The following MPHOSPH8 variants were observed in gnomAD, a reference collection of about 807,000 sequenced individuals.
MPHOSPH8 encodes M-phase phosphoprotein 8.
MPHOSPH8 carries 45 observed loss-of-function variants against 87.3 expected under a neutral mutation model. The observed-to-expected ratio is 0.52, with a 90% CI of 0.41 to 0.66. The LOEUF is 0.66. Among genes scored for constraint, MPHOSPH8 ranks in the 30% least tolerant of loss-of-function variants. The pLI is 0.00. For missense variants in MPHOSPH8, 883 were observed against 1,020.2 expected, an observed-to-expected ratio of 0.87 and a Z score of 1.83; for synonymous variants, 366 against 376.9, an observed-to-expected ratio of 0.97 and a Z score of 0.33.
At chr13:19,638,597 A>G (rs1388208143) in intron 1 of MPHOSPH8, among the ~76,000 whole-genome samples, 7 of 151,550 alleles carry the variant, frequency 4.6e-5, no homozygotes, top group Non-Finnish European at 8.8e-5. Context: ...TGACAGAGCA[A>G]GACTCTGTCT....
intron 2 of MPHOSPH8, among the ~76,000 whole-genome samples, chr13:19,643,821 C>T (rs1259798519): frequency 1.3e-5 from 2 of 152,104 alleles, no homozygotes; most frequent in Non-Finnish European, 2.9e-5. Context: ...TGGCACATCC[C>T]AGCCTCAATA....
rs899291580 is a variant in MPHOSPH8, at chr13:19,633,894, G to A, written c.146G>A (p.Gly49Asp). 5.6e-6 allele frequency: 9 copies of A among 1,611,732 alleles called. No homozygotes were observed. The Admixed American group carries it at 6.7e-5, about 12-fold the overall frequency. Residue 49 changes from glycine (G) to aspartate (D), a missense_variant, in exon 1 of 14, where the codon GGC (glycine) becomes GAC (aspartate). Around this residue, in one of 3 missense-constraint regions of MPHOSPH8, gnomAD observed 103 missense variants for 96.3 expected, o/e 1.07. Coordinates refer to ENST00000361479, the MANE Select transcript of MPHOSPH8 (RefSeq NM_017520.4). ...DAAARGAEAFGDSEEDGEDVF... is the reference protein window; with the variant it reads ...DAAARGAEAFDDSEEDGEDVF... ...GCCGCGAGAGGAGCGGAGGCCTTTG[G>A]CGACAGTGAGGAGGACGGAGAGGAT...
chr13:19,640,237 T>A (rs1022831197), intron 1 of MPHOSPH8, among the ~76,000 whole-genome samples: 3 of 152,228 alleles, frequency 2.0e-5, no homozygotes, highest in African/African-American at 7.2e-5. Context: ...ATAAAATGGG[T>A]AATACTACCT....
chr13:19,638,209 A>T (rs115239314), intron 1 of MPHOSPH8, among the ~76,000 whole-genome samples: 3,049 of 152,292 alleles, frequency 0.02, 88 homozygotes, highest in African/African-American at 0.059. Flanking sequence ...CCACCCATTT[A>T]ATGTAGCTGA....
intron 5 of MPHOSPH8, 182 bp downstream of exon 5, chr13:19,650,442 TCAAA>T: frequency 1.7e-6 from 1 of 598,400 alleles, no homozygotes; most frequent in Non-Finnish European, 2.7e-6. Context: ...TCTCAATGGA[TCAAA>T]CAATTTTTCT....
chr13:19,656,154 C>A (rs188643939), intron 5 of MPHOSPH8, among the ~76,000 whole-genome samples: 3 of 151,766 alleles, frequency 2.0e-5, no homozygotes, highest in Non-Finnish European at 4.4e-5. Context: ...TGGCACATAC[C>A]TGTAGTCCCA....
intron 5 of MPHOSPH8, among the ~76,000 whole-genome samples, chr13:19,655,003 A>T (rs1875074253): frequency 6.6e-6 from 1 of 152,102 alleles, no homozygotes; most frequent in Non-Finnish European, 1.5e-5. Flanking sequence ...CACACGCAAA[A>T]TCCCCCACAA....
chr13:19,645,961 A>T (rs1228631620), intron 2 of MPHOSPH8, among the ~76,000 whole-genome samples: 2 of 152,184 alleles, frequency 1.3e-5, no homozygotes, highest in Non-Finnish European at 2.9e-5. Context: ...CTTGGGAAGT[A>T]AGATTTGTGT....
chr13:19,659,728 G>A (rs1183473701), intron 7 of MPHOSPH8: 3 of 402,510 alleles, frequency 7.5e-6, no homozygotes, highest in African/African-American at 2.1e-5. Context: ...CCCTATAAAT[G>A]TACAATTATA....
At chr13:19,634,949 A>C (rs1873913071) in intron 1 of MPHOSPH8, among the ~76,000 whole-genome samples, 1 of 152,194 alleles carries the variant, frequency 6.6e-6, no homozygotes, top group African/African-American at 2.4e-5. Context: ...TTTTTTATCA[A>C]CTACTGTATG....
chr13:19,638,479 G>A (rs1326534996), intron 1 of MPHOSPH8, among the ~76,000 whole-genome samples: 2 of 151,702 alleles, frequency 1.3e-5, no homozygotes, highest in African/African-American at 4.8e-5. Context: ...CAGGCGTGGT[G>A]GTGTGCGCCT....
intron 1 of MPHOSPH8, 113 bp downstream of exon 1, chr13:19,634,074 G>A (rs2137488336): frequency 9.0e-7 from 1 of 1,114,590 alleles, no homozygotes; most frequent in Non-Finnish European, 1.3e-6. Context: ...GGAGGAATGT[G>A]AGAGTTCAAT....
At chr13:19,648,931 C>G (rs1779283811) in intron 4 of MPHOSPH8, among the ~76,000 whole-genome samples, 1 of 152,038 alleles carries the variant, frequency 6.6e-6, no homozygotes, top group Admixed American at 6.5e-5. Flanking sequence ...TTTGAATAAA[C>G]CCTAGCAGAT....
chr13:19,639,188 A>G (rs563452060), intron 1 of MPHOSPH8, among the ~76,000 whole-genome samples: 6 of 151,448 alleles, frequency 4.0e-5, no homozygotes, highest in African/African-American at 7.3e-5. Flanking sequence ...TTGGATGGCT[A>G]TTTTGGCTAG....
At chr13:19,636,160 G>A (rs1044653232) in intron 1 of MPHOSPH8, among the ~76,000 whole-genome samples, 10 of 152,134 alleles carry the variant, frequency 6.6e-5, no homozygotes, top group Non-Finnish European at 1.3e-4. Context: ...AGGTGTTAGC[G>A]GAACAGGACT....
At chr13:19,671,013 G>C in intron 12 of MPHOSPH8, 193 bp from the exon 13 acceptor site, 1 of 1,293,874 alleles carries the variant, frequency 7.7e-7, no homozygotes, top group African/African-American at 1.5e-5. Context: ...TAGAGATGGG[G>C]TTTCACCATG....
intron 5 of MPHOSPH8, among the ~76,000 whole-genome samples, chr13:19,657,878 T>C (rs535233306): frequency 6.6e-6 from 1 of 152,200 alleles, no homozygotes; most frequent in East Asian, 1.9e-4. Flanking sequence ...CTCAGACACC[T>C]GAATAAGAAG....
At chr13:19,664,831 G>C (rs1875727655) in intron 9 of MPHOSPH8, among the ~76,000 whole-genome samples, 1 of 152,142 alleles carries the variant, frequency 6.6e-6, no homozygotes, top group Admixed American at 6.5e-5. Flanking sequence ...GTGTGGGCTG[G>C]AGATTCAGGT....
intron 5 of MPHOSPH8, among the ~76,000 whole-genome samples, chr13:19,653,064 C>T (rs1874948364): frequency 6.6e-6 from 1 of 152,198 alleles, no homozygotes; most frequent in South Asian, 2.1e-4. Flanking sequence ...TCTCCCAGCA[C>T]AGCATTTGAG....
Sources: gnomAD v4.1 joint callset for allele counts (sites outside exome capture counted in the v4.1 genomes callset) on GRCh38, gnomAD v4.1.1 for gene constraint, gnomAD v4.1.1 regional missense constraint, MANE v1.5 for transcripts, NCBI Gene and HGNC (gene_info 2026-07-23, HGNC 2026-07-21) for gene names.